OR51B5: variants seen among roughly 807,000 people sequenced by gnomAD.
The protein encoded by OR51B5 is olfactory receptor 51B5.
For missense variants in OR51B5, 456 were observed against 374.6 expected (o/e 1.22, Z -1.79); for synonymous variants, 186 against 144.8 (o/e 1.28, Z -2.04).
chr11:5,443,277 G>T (rs966407217), intron 1 of OR51B5, among the ~76,000 whole-genome samples: 1 of 152,080 alleles, frequency 6.6e-6, no homozygotes, highest in Non-Finnish European at 1.5e-5. Flanking sequence ...TGGTGACAAG[G>T]TGCTGGATCA....
chr11:5,462,009 A>C (rs2133794285), intron 1 of OR51B5, among the ~76,000 whole-genome samples: 1 of 152,314 alleles, frequency 6.6e-6, no homozygotes, highest in African/African-American at 2.4e-5. Context: ...TCCCCAATCA[A>C]AGAAAATTTG....
At chr11:5,443,947 G>T (rs1366780370) in intron 1 of OR51B5, among the ~76,000 whole-genome samples, 1 of 151,834 alleles carries the variant, frequency 6.6e-6, no homozygotes, top group Non-Finnish European at 1.5e-5. Flanking sequence ...GTATTTATAG[G>T]CACTATCTCA....
intron 1 of OR51B5, chr11:5,362,593 T>C (rs4910771): frequency 0.38 from 64,203 of 169,160 alleles, 12,940 homozygotes; most frequent in Non-Finnish European, 0.4. Context: ...GGCAGAGTGG[T>C]GGCTTAGCCT....
chr11:5,505,573 C>T, exon 1 of OR51B5: 1 of 960,692 alleles, frequency 1.0e-6, no homozygotes, highest in Non-Finnish European at 1.4e-6. Flanking sequence ...ACTTACAGTT[C>T]CACATAGCTG....
chr11:5,474,503 T>TTGG (rs145393666), intron 1 of OR51B5, among the ~76,000 whole-genome samples: 1 of 12,488 alleles, frequency 8.0e-5, no homozygotes, highest in East Asian at 1.3e-3. Context: ...AATTAATAAA[T>TTGG]TGTTTTTGGA....
At chr11:5,456,319 G>C (rs546945003) in intron 1 of OR51B5, 1 of 152,196 alleles carries the variant, frequency 6.6e-6, no homozygotes, top group Non-Finnish European at 1.5e-5. Flanking sequence ...AAGAGCTACT[G>C]ATTTTCAGGT....
chr11:5,399,870 C>G (rs959467320), intron 1 of OR51B5, among the ~76,000 whole-genome samples: 1 of 152,006 alleles, frequency 6.6e-6, no homozygotes, highest in Non-Finnish European at 1.5e-5. Context: ...AAGTATCAGT[C>G]AAGATTTGTT....
intron 1 of OR51B5, among the ~76,000 whole-genome samples, chr11:5,413,269 A>T (rs1850180145): frequency 1.3e-5 from 2 of 152,260 alleles, no homozygotes; most frequent in South Asian, 4.1e-4. Flanking sequence ...GGACATCCAC[A>T]CCAAAAACCC....
At position 5,435,123 on chromosome 11, in the gene OR51B5, T is replaced by C. The variant is rs541989924; in HGVS notation, n.84+70446A>G. On this transcript the variant is annotated intron_variant and non_coding_transcript_variant, in intron 1 of 4. Coordinates refer to the OR51B5 transcript ENST00000415970. ...GATAAACTTAATAGGCTCTCTAGAA[T>C]CTGAATCAAGAGTCCAATCTTGTAC... Among the ~76,000 whole-genome samples, 4 of 152,300 alleles carry C rather than the reference T, an allele frequency of 2.6e-5. No individual in the cohort carries two copies. In the South Asian group the frequency reaches 8.3e-4, roughly 32 times the overall value.
At chr11:5,469,805 C>T (rs1269139079) in intron 1 of OR51B5, among the ~76,000 whole-genome samples, 1 of 152,160 alleles carries the variant, frequency 6.6e-6, no homozygotes, top group Non-Finnish European at 1.5e-5. Flanking sequence ...AAGTGAGGTG[C>T]ACCATGTCCT....
At chr11:5,367,258 G>C (rs11601662) in intron 1 of OR51B5, among the ~76,000 whole-genome samples, 4 of 152,106 alleles carry the variant, frequency 2.6e-5, no homozygotes, top group Admixed American at 6.6e-5. Flanking sequence ...CCCTAAGAGA[G>C]GGTTCTTGGA....
chr11:5,401,017 A>G (rs1188095939), intron 1 of OR51B5, among the ~76,000 whole-genome samples: 1 of 152,202 alleles, frequency 6.6e-6, no homozygotes, highest in Non-Finnish European at 1.5e-5. Context: ...TGGGTGAATG[A>G]GTTGAAAACA....
intron 1 of OR51B5, chr11:5,402,807 C>T (rs1204455494): frequency 2.1e-6 from 1 of 471,646 alleles, no homozygotes; most frequent in Admixed American, 2.3e-5. Flanking sequence ...CATGTTGGCA[C>T]TGGCCGAGGT....
At chr11:5,343,464 C>T (rs555677622) in exon 1 of OR51B5, 1 of 1,562,690 alleles carries the variant, frequency 6.4e-7, no homozygotes, top group South Asian at 1.1e-5. Flanking sequence ...CAGTGATGAG[C>T]TTCCTCCAAG....
At chr11:5,422,694 T>C (rs1234015261) in intron 1 of OR51B5, 14 of 1,613,932 alleles carry the variant, frequency 8.7e-6, no homozygotes, top group Non-Finnish European at 1.1e-5. Context: ...CTTTTCTTAC[T>C]CAAGCGACTG....
chr11:5,348,063 A>G (rs5019249), upstream of OR51B5, among the ~76,000 whole-genome samples: 45,052 of 151,814 alleles, frequency 0.3, 7,369 homozygotes, highest in Non-Finnish European at 0.38. Context: ...AAAAAAACAG[A>G]GAGATCGAAG....
At chr11:5,422,646 C>G in intron 1 of OR51B5, 1 of 1,614,114 alleles carries the variant, frequency 6.2e-7, no homozygotes, top group African/African-American at 1.3e-5. Context: ...ACTGGGTTAG[C>G]CATCATTTGC....
chr11:5,473,226 A>G (rs1564825147), intron 1 of OR51B5, among the ~76,000 whole-genome samples: 1 of 152,206 alleles, frequency 6.6e-6, no homozygotes. Context: ...CAGAAAAAAA[A>G]TCTTGAATAA....
intron 1 of OR51B5, among the ~76,000 whole-genome samples, chr11:5,499,652 T>A (rs997311535): frequency 9.2e-5 from 14 of 152,266 alleles, no homozygotes; most frequent in Non-Finnish European, 1.3e-4. Context: ...ACTGCACAAG[T>A]CAAAAAGCCT....
Sources: gnomAD v4.1 joint callset for allele counts (sites outside exome capture counted in the v4.1 genomes callset) on GRCh38, gnomAD v4.1.1 for gene constraint, MANE v1.5 for transcripts, NCBI Gene and HGNC (gene_info 2026-07-23, HGNC 2026-07-21) for gene names.